Variants in SLC27A6 observed in about 807,000 individuals in gnomAD.
The protein encoded by SLC27A6 is long-chain fatty acid transport protein 6.
Under a neutral mutation model 63.9 loss-of-function variants are expected in SLC27A6, and 74 were observed. That is an observed-to-expected ratio of 1.16 (90% CI 0.96 to 1.40). The LOEUF (loss-of-function observed/expected upper bound fraction) is 1.40, where lower values mean the gene tolerates loss of function less well. SLC27A6 is among the 40% of genes most tolerant of loss of function. The pLI, the probability that SLC27A6 is intolerant of heterozygous loss-of-function variation, is 0.00. For synonymous variants in SLC27A6, 287 were observed against 260.8 expected (o/e 1.10, Z -0.97); for missense variants, 794 against 732.9 (o/e 1.08, Z -0.96).
chr5:129,029,899 C>T (rs1262530892), intron 9 of SLC27A6, among the ~76,000 whole-genome samples, 192 bp downstream of exon 9: 3 of 151,936 alleles, frequency 2.0e-5, no homozygotes, highest in Non-Finnish European at 4.4e-5. Context: ...CTAGGACGTA[C>T]CTGTCTTTGT....
intron 5 of SLC27A6, among the ~76,000 whole-genome samples, chr5:129,019,799 C>G (rs1752019224): frequency 6.6e-6 from 1 of 151,664 alleles, no homozygotes; most frequent in South Asian, 2.1e-4. Flanking sequence ...AAAGAGCAAG[C>G]AAATGATAAT....
chr5:128,980,139 A>G (rs775762682), intron 1 of SLC27A6, among the ~76,000 whole-genome samples: 57 of 152,262 alleles, frequency 3.7e-4, no homozygotes, highest in Non-Finnish European at 7.1e-4. Context: ...TCAACTTTCT[A>G]TTTAATGAGC....
chr5:129,007,316 T>A (rs546722520), intron 4 of SLC27A6, among the ~76,000 whole-genome samples: 1 of 151,040 alleles, frequency 6.6e-6, no homozygotes, highest in Non-Finnish European at 1.5e-5. Context: ...TGGTGGCACG[T>A]ACCTGTAATC....
Position 128,990,479 on chromosome 5 carries a change from T to A in SLC27A6, c.969+15T>A. The A allele has an allele frequency of 6.3e-7, 1 of 1,591,644 alleles. No individual in the cohort carries two copies. The highest frequency in any genetic ancestry group is 1.9e-5 in the Admixed American group (1 of 54,042). ...AACAATCTAAGGTAGGCGTAATCAT[T>A]ATCAGAAAAAAATATGTCAGAAAGA... On this transcript the variant is annotated intron_variant, in intron 4 of 9. Transcript: ENST00000262462.
At chr5:128,968,957 T>G (rs989965175) in intron 1 of SLC27A6, among the ~76,000 whole-genome samples, 31 of 152,254 alleles carry the variant, frequency 2.0e-4, no homozygotes, top group East Asian at 9.7e-4. Flanking sequence ...GTAAGGAAGG[T>G]ATCCAGTTTC....
chr5:128,967,121 C>T (rs552621666), intron 1 of SLC27A6, among the ~76,000 whole-genome samples: 3 of 152,276 alleles, frequency 2.0e-5, no homozygotes, highest in East Asian at 1.9e-4. Context: ...AGCAAGGTTG[C>T]GCTCCCACCT....
intron 4 of SLC27A6, among the ~76,000 whole-genome samples, chr5:129,003,532 T>A (rs4836429): frequency 0.23 from 34,940 of 151,894 alleles, 5,117 homozygotes; most frequent in East Asian, 0.7. Flanking sequence ...ACAAGAAGAG[T>A]CAGCTATGAA....
intron 4 of SLC27A6, among the ~76,000 whole-genome samples, chr5:128,991,561 A>G (rs771107992): frequency 1.1e-4 from 16 of 152,236 alleles, no homozygotes; most frequent in Non-Finnish European, 2.2e-4. Context: ...GATTCATGCT[A>G]TGTTTACAGA....
rs779262918 is a variant in SLC27A6 at position 128,966,619 on chromosome 5, G to A, written c.481+1G>A. The A allele has an allele frequency of 2.0e-6, 3 of 1,513,218 alleles. No homozygotes were observed. The highest frequency in any genetic ancestry group is 2.6e-6 in the Non-Finnish European group (3 of 1,139,744). 93.7% of individuals were successfully genotyped at this position (1,513,218 alleles called of 1,614,324 possible). A position where few individuals can be genotyped will look rare whatever the true frequency, so the allele number is the denominator to read the frequency against. On this transcript the variant is annotated splice_donor_variant, in intron 1 of 9. Coordinates refer to ENST00000262462, the MANE Select transcript of SLC27A6 (RefSeq NM_001017372.3). LOFTEE classifies it high-confidence loss of function. ...CCCAGAGCCCTAGTGGTGGGCGCAG[G>A]TAGAGTATGGGGTGTGGTCTGCCTA...
At chr5:129,029,428 G>C (rs1375959123) in intron 8 of SLC27A6, 149 bp from the exon 9 acceptor site, 2 of 555,416 alleles carry the variant, frequency 3.6e-6, no homozygotes, top group Admixed American at 7.7e-5. Context: ...ATATGTTCAG[G>C]GAAGGATACA....
chr5:129,022,513 A>G (rs1191876431), intron 5 of SLC27A6, among the ~76,000 whole-genome samples: 1 of 151,090 alleles, frequency 6.6e-6, no homozygotes, highest in Non-Finnish European at 1.5e-5. Flanking sequence ...TATTTGTTCT[A>G]TATTTGTTCA....
At chr5:129,010,127 T>G (rs1294489531) in intron 4 of SLC27A6, among the ~76,000 whole-genome samples, 1 of 152,246 alleles carries the variant, frequency 6.6e-6, no homozygotes, top group Non-Finnish European at 1.5e-5. Context: ...AAATTAGTTT[T>G]GCTTGTTTCC....
At chr5:128,982,881 A>G (rs945171923) in intron 1 of SLC27A6, among the ~76,000 whole-genome samples, 3 of 152,116 alleles carry the variant, frequency 2.0e-5, no homozygotes, top group Non-Finnish European at 2.9e-5. Context: ...AAGGCTATGA[A>G]CCCCACTTTC....
At chr5:128,991,233 T>A (rs1359642652) in intron 4 of SLC27A6, among the ~76,000 whole-genome samples, 1 of 152,146 alleles carries the variant, frequency 6.6e-6, no homozygotes, top group African/African-American at 2.4e-5. Flanking sequence ...ATTGGCCGGG[T>A]GTGAGCTGAG....
At chr5:128,989,923 C>CAA (rs11415836) in intron 3 of SLC27A6, among the ~76,000 whole-genome samples, 1,427 of 96,356 alleles carry the variant, frequency 0.015, 10 homozygotes, top group African/African-American at 0.023. Context: ...GACTCCGTCT[C>CAA]AAAAAAAAAA....
At chr5:128,988,471 A>G (rs1165461181) in intron 2 of SLC27A6, 129 bp from the exon 3 acceptor site, 16 of 668,982 alleles carry the variant, frequency 2.4e-5, no homozygotes, top group African/African-American at 3.7e-5. Flanking sequence ...TTTTCTGTCA[A>G]TTGCTAGTGT....
chr5:129,016,036 C>A lies in SLC27A6; in HGVS notation c.1121C>A (p.Thr374Asn), dbSNP rs377597027. ...TESSISFMNY[T>N]GRIGAIGRTN... is the part of the protein sequence containing the mutation. ...TCAAGCATATCTTTCATGAACTACA[C>A]TGGGAGAATTGGAGCAATTGGGAGA... The change falls in exon 5 of 10, where the codon ACT (threonine) becomes AAT (asparagine). Residue 374 changes from threonine (T) to asparagine (N), a missense_variant. Transcript: ENST00000262462. 5.9e-5 allele frequency: 95 copies of A among 1,598,010 alleles called. No individual in the cohort carries two copies. The highest frequency in any genetic ancestry group is 7.7e-5 in the Non-Finnish European group (90 of 1,175,926).
intron 1 of SLC27A6, among the ~76,000 whole-genome samples, chr5:128,973,171 GCA>G: frequency 2.0e-5 from 3 of 152,110 alleles, no homozygotes; most frequent in Non-Finnish European, 4.4e-5. Context: ...CTGCTTGTAT[GCA>G]GTGTCAGTTG....
chr5:129,007,509 C>T (rs952536495), intron 4 of SLC27A6, among the ~76,000 whole-genome samples: 168 of 149,024 alleles, frequency 1.1e-3, no homozygotes, highest in Non-Finnish European at 1.7e-3. Context: ...AACAAATGCT[C>T]GTAACTATTT....
Sources: gnomAD v4.1 joint callset for allele counts (sites outside exome capture counted in the v4.1 genomes callset) on GRCh38, gnomAD v4.1.1 for gene constraint, MANE v1.5 for transcripts, NCBI Gene and HGNC (gene_info 2026-07-23, HGNC 2026-07-21) for gene names.